The following HIBADH variants were observed in gnomAD, a reference collection of about 807,000 sequenced individuals.
The protein encoded by HIBADH is 3-hydroxyisobutyrate dehydrogenase.
Under a neutral mutation model 36.1 loss-of-function variants are expected in HIBADH, and 25 were observed. That is an observed-to-expected ratio of 0.69 (90% confidence interval 0.50 to 0.97). The LOEUF is 0.97. HIBADH is among the 50% of genes least tolerant of loss of function. HIBADH has a pLI of 0.00. For synonymous variants in HIBADH, 160 were observed against 149.5 expected, an observed-to-expected ratio of 1.07 and a Z score of -0.51; for missense variants, 421 against 418.0, an observed-to-expected ratio of 1.01 and a Z score of -0.06.
chr7:27,624,285 A>C (rs1157322770), intron 4 of HIBADH, among the ~76,000 whole-genome samples: 1 of 152,218 alleles, frequency 6.6e-6, no homozygotes, highest in South Asian at 2.1e-4. Flanking sequence ...TAGAGATGCC[A>C]CATTACCTGA....
At chr7:27,579,247 C>T (rs986568890) in intron 4 of HIBADH, among the ~76,000 whole-genome samples, 4 of 151,956 alleles carry the variant, frequency 2.6e-5, no homozygotes, top group African/African-American at 7.3e-5. Context: ...TATTCTCAGA[C>T]GATATATACT....
chr7:27,587,874 GTA>G (rs1475696033), intron 4 of HIBADH, among the ~76,000 whole-genome samples: 1 of 152,186 alleles, frequency 6.6e-6, no homozygotes, highest in Non-Finnish European at 1.5e-5. Context: ...AACTGAGGAG[GTA>G]AGAGAAAAAG....
intron 4 of HIBADH, among the ~76,000 whole-genome samples, chr7:27,549,264 AT>A (rs1784280295): frequency 6.6e-6 from 1 of 152,182 alleles, no homozygotes; most frequent in Admixed American, 6.5e-5. Context: ...CTGAGAGTAG[AT>A]TTTAAGTGCT....
At chr7:27,549,480 T>C (rs903451370) in intron 4 of HIBADH, among the ~76,000 whole-genome samples, 2 of 152,154 alleles carry the variant, frequency 1.3e-5, no homozygotes, top group Admixed American at 1.3e-4. Context: ...ACAACAAATC[T>C]CAAATATAGA....
chr7:27,618,483 C>T (rs1404183085), intron 4 of HIBADH, among the ~76,000 whole-genome samples: 1 of 152,166 alleles, frequency 6.6e-6, no homozygotes, highest in East Asian at 1.9e-4. Context: ...ATCAAACCAC[C>T]ACTATTGCCA....
intron 4 of HIBADH, among the ~76,000 whole-genome samples, chr7:27,571,667 T>C (rs910664230): frequency 2.6e-5 from 4 of 152,190 alleles, no homozygotes; most frequent in Non-Finnish European, 5.9e-5. Flanking sequence ...TCTGGTAATT[T>C]TTTTTTAACT....
chr7:27,588,258 G>A (rs564846973), intron 4 of HIBADH, among the ~76,000 whole-genome samples: 1 of 152,256 alleles, frequency 6.6e-6, no homozygotes, highest in South Asian at 2.1e-4. Context: ...AAGTGAACTT[G>A]GAAAATGTGT....
At chr7:27,585,832 A>G (rs1334830652) in intron 4 of HIBADH, among the ~76,000 whole-genome samples, 1 of 152,134 alleles carries the variant, frequency 6.6e-6, no homozygotes, top group African/African-American at 2.4e-5. Flanking sequence ...TGTATTTTCT[A>G]GGTACATGAT....
chr7:27,578,527 G>C (rs530911161), intron 4 of HIBADH, among the ~76,000 whole-genome samples: 143 of 152,214 alleles, frequency 9.4e-4, no homozygotes, highest in Non-Finnish European at 8.7e-4. Context: ...ATGTTGCCTA[G>C]GCTAGTCTCA....
At chr7:27,648,290 T>C (rs927401608) in intron 2 of HIBADH, among the ~76,000 whole-genome samples, 3 of 152,130 alleles carry the variant, frequency 2.0e-5, no homozygotes, top group Non-Finnish European at 2.9e-5. Flanking sequence ...GAGTGTAATA[T>C]CCGTATTCAG....
intron 4 of HIBADH, among the ~76,000 whole-genome samples, chr7:27,592,337 C>T (rs189756786): frequency 6.6e-6 from 1 of 152,216 alleles, no homozygotes; most frequent in East Asian, 1.9e-4. Context: ...AAGAGGTACT[C>T]AAATGTTTGC....
At chr7:27,534,171 TTTAAAAAA>T (rs1784040155) in intron 6 of HIBADH, among the ~76,000 whole-genome samples, 1 of 152,292 alleles carries the variant, frequency 6.6e-6, no homozygotes, top group East Asian at 1.9e-4. Context: ...TGCAAAAAAA[TTTAAAAAA>T]TTAAACATTT....
chr7:27,646,175 G>C (rs1005199658), intron 2 of HIBADH, among the ~76,000 whole-genome samples: 3 of 152,134 alleles, frequency 2.0e-5, no homozygotes, highest in Admixed American at 2.0e-4. Flanking sequence ...CGTGGGTACA[G>C]AACCACACAA....
chr7:27,615,669 G>A (rs1242807074), intron 4 of HIBADH, among the ~76,000 whole-genome samples: 2 of 152,098 alleles, frequency 1.3e-5, no homozygotes, highest in African/African-American at 2.4e-5. Context: ...TCAAATAAAA[G>A]TGTAGCACAC....
At chr7:27,581,139 T>A (rs1784781966) in intron 4 of HIBADH, among the ~76,000 whole-genome samples, 1 of 152,162 alleles carries the variant, frequency 6.6e-6, no homozygotes, top group African/African-American at 2.4e-5. Context: ...AGGGGAACTG[T>A]CAAGCAGCCC....
chr7:27,562,850 G>T (rs1431316605), intron 4 of HIBADH, among the ~76,000 whole-genome samples: 1 of 152,028 alleles, frequency 6.6e-6, no homozygotes, highest in Non-Finnish European at 1.5e-5. Flanking sequence ...ACATCTCTTG[G>T]TGTTAAATTT....
At chr7:27,565,319 T>C (rs1177412215) in intron 4 of HIBADH, among the ~76,000 whole-genome samples, 1 of 152,206 alleles carries the variant, frequency 6.6e-6, no homozygotes, top group African/African-American at 2.4e-5. Context: ...TGATCGACCC[T>C]GATGCATCCC....
chr7:27,569,405 A>G (rs991472601), intron 4 of HIBADH, among the ~76,000 whole-genome samples: 16 of 152,100 alleles, frequency 1.1e-4, no homozygotes, highest in Admixed American at 7.9e-4. Context: ...GGGATATAAG[A>G]TGCTATGAGA....
At chr7:27,655,042 A>G (rs1786272323) in intron 1 of HIBADH, among the ~76,000 whole-genome samples, 1 of 152,174 alleles carries the variant, frequency 6.6e-6, no homozygotes. Flanking sequence ...AAAACTAATC[A>G]AACTGTATAC....
Sources: gnomAD v4.1 joint callset for allele counts (sites outside exome capture counted in the v4.1 genomes callset) on GRCh38, gnomAD v4.1.1 for gene constraint, MANE v1.5 for transcripts, NCBI Gene and HGNC (gene_info 2026-07-23, HGNC 2026-07-21) for gene names.